The following KLHL13 variants were observed in gnomAD, a reference collection of about 807,000 sequenced individuals.
The protein encoded by KLHL13 is kelch like family member 13, also known as kelch-like protein 13.
In KLHL13, 10 loss-of-function variants were observed where a neutral mutation model predicts 37.1. The ratio of observed to expected loss-of-function variants is 0.27; its 90% CI spans 0.17 to 0.46. The LOEUF (loss-of-function observed/expected upper bound fraction) is 0.46, where lower values mean the gene tolerates loss of function less well. KLHL13 is among the 20% of genes least tolerant of loss of function. The probability of loss-of-function intolerance (pLI) is 1.00; values close to 1 mark genes in which losing one functional copy is unlikely to be tolerated. For synonymous variants in KLHL13, 163 were observed against 181.2 expected, an observed-to-expected ratio of 0.90 and a Z score of 0.81; for missense variants, 360 against 509.3, an observed-to-expected ratio of 0.71 and a Z score of 2.82.
intron 1 of KLHL13, among the ~76,000 whole-genome samples, chrX:117,970,585 T>C (rs2053508546): frequency 9.0e-6 from 1 of 111,637 alleles, no homozygotes; most frequent in Non-Finnish European, 1.9e-5. Flanking sequence ...TATACTTAAG[T>C]ATCATTTTGT....
At chrX:118,084,504 T>C (rs1422621234) in intron 1 of KLHL13, among the ~76,000 whole-genome samples, 2 of 111,988 alleles carry the variant, frequency 1.8e-5, no homozygotes, top group African/African-American at 6.5e-5. Context: ...GAGGAATAAA[T>C]TGATGAAACT....
intron 1 of KLHL13, among the ~76,000 whole-genome samples, chrX:118,048,669 A>T: frequency 8.9e-6 from 1 of 111,989 alleles, no homozygotes; most frequent in African/African-American, 3.2e-5. Flanking sequence ...GGGATATGAC[A>T]TAGAAAGGCC....
intron 1 of KLHL13, among the ~76,000 whole-genome samples, chrX:118,078,429 T>C (rs1415644002): frequency 9.0e-6 from 1 of 111,323 alleles, no homozygotes; most frequent in Non-Finnish European, 1.9e-5. Flanking sequence ...TTCACCCCCA[T>C]TCTCCAGCAA....
At chrX:117,959,058 T>C (rs1243249904) in intron 1 of KLHL13, among the ~76,000 whole-genome samples, 1 of 107,463 alleles carries the variant, frequency 9.3e-6, no homozygotes, top group African/African-American at 3.7e-5. Flanking sequence ...GTCAAAACTC[T>C]TGATGATGTG....
At chrX:118,086,893 T>C (rs1167034263) in intron 1 of KLHL13, among the ~76,000 whole-genome samples, 1 of 111,534 alleles carries the variant, frequency 9.0e-6, no homozygotes, top group Non-Finnish European at 1.9e-5. Context: ...TATTAAAATG[T>C]GTTAGTCCTA....
rs767417845 is a variant in KLHL13 at position 118,035,242 on chromosome X, T to G, written c.-56+81266A>C. ...AGGGAATCCTCCCTAACTCATTTTA[T>G]GAGGCCAGCATCATTATGATACCAA... On this transcript the variant is annotated intron_variant, in intron 1 of 6. Coordinates refer to the KLHL13 transcript ENST00000371882. Among the ~76,000 whole-genome samples, 19 of 102,441 alleles carry G rather than the reference T, an allele frequency of 1.9e-4. No homozygotes were observed. In the South Asian group the frequency reaches 3.9e-3, roughly 21 times the overall value. 89.0% of individuals were successfully genotyped at this position (102,441 alleles called of 115,157 possible). A position where few individuals can be genotyped will look rare whatever the true frequency, so the allele number is the denominator to read the frequency against.
upstream of KLHL13, among the ~76,000 whole-genome samples, chrX:117,974,713 A>G (rs977397797): frequency 4.5e-5 from 5 of 112,055 alleles, no homozygotes; most frequent in African/African-American, 1.6e-4. Context: ...ATATATGTAC[A>G]TGCAGTATGT....
intron 5 of KLHL13, among the ~76,000 whole-genome samples, chrX:117,904,833 T>C (rs1275170246): frequency 9.0e-6 from 1 of 111,520 alleles, no homozygotes; most frequent in Non-Finnish European, 1.9e-5. Flanking sequence ...AAAAGTTTGC[T>C]GGCCCCTAAT....
chrX:117,968,859 T>C (rs995957900), intron 1 of KLHL13, among the ~76,000 whole-genome samples: 1 of 111,748 alleles, frequency 8.9e-6, no homozygotes, highest in Non-Finnish European at 1.9e-5. Context: ...TTTTATTATG[T>C]CTGTGCTGTG....
Position 118,078,610 on chromosome X carries a change from G to A in KLHL13, c.-56+37898C>T, listed in dbSNP as rs150649930. On this transcript the variant is annotated intron_variant, in intron 1 of 6. Transcript: ENST00000371882. ...TATCAGTACTTTGTTCCTTTTTATT[G>A]TTAAGTAGTATATTTTGGTGTACAT... Among the ~76,000 whole-genome samples the A allele has an allele frequency of 1.2e-3, 136 of 111,335 alleles. 1 individual carries two copies. In the East Asian group the frequency reaches 0.032, roughly 26 times the overall value.
intron 1 of KLHL13, among the ~76,000 whole-genome samples, chrX:118,099,913 A>G (rs762399686): frequency 1.3e-4 from 13 of 100,526 alleles, no homozygotes; most frequent in Non-Finnish European, 2.1e-4. Context: ...GAAAGAAGGA[A>G]GGAAGAAAGG....
chrX:117,900,868 C>A (rs1034026074), intron 6 of KLHL13, among the ~76,000 whole-genome samples: 5 of 110,894 alleles, frequency 4.5e-5, no homozygotes, highest in Non-Finnish European at 7.6e-5. Flanking sequence ...TAAAGTGAGA[C>A]TTCTTCCTAA....
At chrX:118,063,740 C>T (rs2054766465) in intron 1 of KLHL13, among the ~76,000 whole-genome samples, 1 of 111,291 alleles carries the variant, frequency 9.0e-6, no homozygotes, top group Admixed American at 9.6e-5. Flanking sequence ...ATCCTCATCT[C>T]AAATTCCTCT....
At chrX:117,983,560 CA>C in intron 1 of KLHL13, 1 of 1,089,986 alleles carries the variant, frequency 9.2e-7, no homozygotes, top group Non-Finnish European at 1.2e-6. Context: ...AAGTGGAGTG[CA>C]AAAAGAAACC....
chrX:118,073,092 T>C (rs1340497726), intron 1 of KLHL13, among the ~76,000 whole-genome samples: 10 of 105,064 alleles, frequency 9.5e-5, no homozygotes, highest in African/African-American at 1.4e-4. Context: ...AGACACTCTC[T>C]CAAAAAAAAA....
At chrX:118,020,849 G>T (rs1378090865) in intron 1 of KLHL13, among the ~76,000 whole-genome samples, 1 of 109,219 alleles carries the variant, frequency 9.2e-6, no homozygotes, top group African/African-American at 3.3e-5. Context: ...TAGGGACATG[G>T]ATGAAGCTAG....
chrX:118,053,798 T>TGAGA (rs1183708508), intron 1 of KLHL13, among the ~76,000 whole-genome samples: 1 of 25,537 alleles, frequency 3.9e-5, no homozygotes, highest in Non-Finnish European at 6.4e-5. Flanking sequence ...TGTGTGTGTG[T>TGAGA]GAGAGAGAGA....
intron 1 of KLHL13, among the ~76,000 whole-genome samples, chrX:118,085,025 AAATAAT>A (rs767908903): frequency 2.7e-5 from 3 of 109,466 alleles, no homozygotes; most frequent in African/African-American, 6.7e-5. Context: ...TCTGTCTAAA[AAATAAT>A]AATAATAATA....
At chrX:118,047,120 AG>A (rs2054569186) in intron 1 of KLHL13, among the ~76,000 whole-genome samples, 1 of 111,984 alleles carries the variant, frequency 8.9e-6, no homozygotes, top group Admixed American at 9.5e-5. Context: ...ACAACTGGGT[AG>A]CCATTTGGTT....
Sources: allele counts gnomAD v4.1 joint callset (sites outside exome capture counted in the v4.1 genomes callset), GRCh38; gene constraint gnomAD v4.1.1; transcripts MANE v1.5; gene names NCBI Gene and HGNC (gene_info 2026-07-23, HGNC 2026-07-21).